Variants in FGGY observed in about 807,000 individuals in gnomAD.
FGGY encodes the protein FGGY carbohydrate kinase domain-containing protein.
Under a neutral mutation model 71.3 loss-of-function variants are expected in FGGY, and 72 were observed. That is an observed-to-expected ratio of 1.01 (90% CI 0.84 to 1.23). FGGY has a LOEUF of 1.23. Among genes scored for constraint, FGGY ranks in the 50% most tolerant of loss-of-function variants. The pLI is 0.00. For missense variants in FGGY, 668 were observed against 682.3 expected, an observed-to-expected ratio of 0.98 and a Z score of 0.23; for synonymous variants, 251 against 250.3, an observed-to-expected ratio of 1.00 and a Z score of -0.02.
chr1:59,527,661 C>A (rs1356195692), intron 7 of FGGY, among the ~76,000 whole-genome samples: 1 of 152,198 alleles, frequency 6.6e-6, no homozygotes, highest in South Asian at 2.1e-4. Flanking sequence ...ATGTTTGCAT[C>A]TTCATTTTGT....
chr1:59,377,429 A>G (rs531595836), intron 4 of FGGY, among the ~76,000 whole-genome samples: 2 of 152,134 alleles, frequency 1.3e-5, no homozygotes, highest in Non-Finnish European at 2.9e-5. Context: ...GCAGAGTGAA[A>G]GCAGGGGAAG....
At chr1:59,451,587 C>T (rs1477073818) in intron 5 of FGGY, among the ~76,000 whole-genome samples, 1 of 152,058 alleles carries the variant, frequency 6.6e-6, no homozygotes, top group Non-Finnish European at 1.5e-5. Context: ...GAGAAAGGGT[C>T]TCAGTGTCTA....
chr1:59,324,799 T>C (rs1309117170), intron 2 of FGGY, among the ~76,000 whole-genome samples: 11 of 152,142 alleles, frequency 7.2e-5, no homozygotes, highest in Non-Finnish European at 1.6e-4. Flanking sequence ...TAGCCTGAAA[T>C]TTTTAGATTT....
chr1:59,382,216 G>A (rs1296859628), intron 5 of FGGY, among the ~76,000 whole-genome samples: 1 of 152,154 alleles, frequency 6.6e-6, no homozygotes, highest in African/African-American at 2.4e-5. Context: ...GAATTCAAGG[G>A]AAGCGGGAAA....
intron 7 of FGGY, among the ~76,000 whole-genome samples, chr1:59,536,901 G>T (rs1009735265): frequency 1.3e-5 from 2 of 151,938 alleles, no homozygotes; most frequent in African/African-American, 4.8e-5. Flanking sequence ...TACTGAATGG[G>T]CAAAAACTGG....
At chr1:59,629,786 A>G (rs2096891464) in intron 10 of FGGY, among the ~76,000 whole-genome samples, 1 of 152,198 alleles carries the variant, frequency 6.6e-6, no homozygotes, top group Admixed American at 6.5e-5. Flanking sequence ...TGTGAAACCC[A>G]TTTTCTTCAT....
At chr1:59,590,232 A>T (rs1213233613) in intron 8 of FGGY, among the ~76,000 whole-genome samples, 4 of 152,208 alleles carry the variant, frequency 2.6e-5, no homozygotes, top group Admixed American at 2.6e-4. Context: ...CCCAAGCCTA[A>T]ACCAAGAAGA....
intron 8 of FGGY, among the ~76,000 whole-genome samples, chr1:59,563,155 G>A (rs2095820313): frequency 6.6e-6 from 1 of 152,172 alleles, no homozygotes; most frequent in Admixed American, 6.6e-5. Context: ...TGGTGAGAGA[G>A]GGCATCCTTG....
At chr1:59,383,856 T>C (rs929472138) in intron 5 of FGGY, among the ~76,000 whole-genome samples, 1 of 152,324 alleles carries the variant, frequency 6.6e-6, no homozygotes, top group Admixed American at 6.5e-5. Flanking sequence ...CATGTATTGA[T>C]TGATGTCTCG....
intron 11 of FGGY, among the ~76,000 whole-genome samples, chr1:59,656,630 C>T (rs1487929190): frequency 6.6e-6 from 1 of 152,204 alleles, no homozygotes; most frequent in East Asian, 1.9e-4. Context: ...AGTCACATTT[C>T]AATACCATGG....
intron 5 of FGGY, among the ~76,000 whole-genome samples, chr1:59,397,201 TAATA>T (rs955185981): frequency 6.6e-6 from 1 of 152,222 alleles, no homozygotes; most frequent in African/African-American, 2.4e-5. Flanking sequence ...GACCTTCTAT[TAATA>T]AAGACAAATT....
intron 4 of FGGY, among the ~76,000 whole-genome samples, chr1:59,372,809 C>T (rs1253244493): frequency 1.3e-5 from 2 of 152,002 alleles, no homozygotes; most frequent in African/African-American, 2.4e-5. Flanking sequence ...AGACAAAAAC[C>T]ACATGATTAT....
chr1:59,562,156 T>C lies in FGGY; in HGVS notation c.903+7929T>C, dbSNP rs572136918. On this transcript the variant is annotated intron_variant, in intron 8 of 15. Coordinates refer to ENST00000303721, the MANE Select transcript of FGGY (RefSeq NM_018291.5). ...ATTCCACTCTTACAAAAGCATGTAT[T>C]CATACAAAAATTTGTACAGTAATGT... Among the ~76,000 whole-genome samples, 42 of 152,300 alleles carry C rather than the reference T, an allele frequency of 2.8e-4. No individual in the cohort carries two copies. In the East Asian group the frequency reaches 7.7e-3, roughly 28 times the overall value.
intron 9 of FGGY, among the ~76,000 whole-genome samples, chr1:59,612,370 C>A (rs994075854): frequency 6.6e-6 from 1 of 152,150 alleles, no homozygotes; most frequent in African/African-American, 2.4e-5. Flanking sequence ...GAATTTTCAA[C>A]CCAGAATTTC....
At chr1:59,529,124 A>G (rs1371451781) in intron 7 of FGGY, among the ~76,000 whole-genome samples, 2 of 152,214 alleles carry the variant, frequency 1.3e-5, no homozygotes, top group African/African-American at 2.4e-5. Flanking sequence ...GCGTGAATGA[A>G]TGGGTTTGCT....
chr1:59,509,547 A>G (rs934710427), intron 6 of FGGY, among the ~76,000 whole-genome samples: 1 of 151,998 alleles, frequency 6.6e-6, no homozygotes, highest in South Asian at 2.1e-4. Flanking sequence ...CTGTCCTTCA[A>G]CACCCACCCC....
At chr1:59,430,260 G>A (rs1318629379) in intron 5 of FGGY, among the ~76,000 whole-genome samples, 1 of 152,292 alleles carries the variant, frequency 6.6e-6, no homozygotes, top group Non-Finnish European at 1.5e-5. Context: ...TTTCACAGCA[G>A]TGTCAACGCC....
chr1:59,359,667 T>C (rs968426454), intron 4 of FGGY, among the ~76,000 whole-genome samples: 1 of 152,170 alleles, frequency 6.6e-6, no homozygotes, highest in African/African-American at 2.4e-5. Context: ...CTATAAAGGC[T>C]CCTGTCTCTC....
intron 6 of FGGY, among the ~76,000 whole-genome samples, chr1:59,490,995 CTT>C (rs2093815624): frequency 2.6e-5 from 1 of 38,462 alleles, no homozygotes; most frequent in African/African-American, 1.4e-4. Flanking sequence ...TGCTTGCTTG[CTT>C]CCTTTCCTTT....
Sources: gnomAD v4.1 joint callset for allele counts (sites outside exome capture counted in the v4.1 genomes callset) on GRCh38, gnomAD v4.1.1 for gene constraint, MANE v1.5 for transcripts, NCBI Gene and HGNC (gene_info 2026-07-23, HGNC 2026-07-21) for gene names.